The following ABHD12B variants were observed in gnomAD, a reference collection of about 807,000 sequenced individuals.
The protein encoded by ABHD12B is protein ABHD12B.
ABHD12B carries 42 observed loss-of-function variants against 50.4 expected under a neutral mutation model. The observed-to-expected ratio is 0.83, with a 90% CI of 0.65 to 1.08. The LOEUF is 1.08. ABHD12B is among the 50% of genes least tolerant of loss of function. The probability of loss-of-function intolerance (pLI) is 0.00; values close to 1 mark genes in which losing one functional copy is unlikely to be tolerated. For synonymous variants in ABHD12B, 167 were observed against 160.3 expected (o/e 1.04, Z -0.32); for missense variants, 479 against 447.7 (o/e 1.07, Z -0.63).
chr14:50,902,859 T>G (rs561603891), intron 10 of ABHD12B, among the ~76,000 whole-genome samples: 31 of 152,230 alleles, frequency 2.0e-4, no homozygotes, highest in African/African-American at 7.2e-4. Flanking sequence ...ATTAGCAAAC[T>G]AGGGGGTTGA....
At chr14:50,889,311 C>T (rs1485878285) in intron 9 of ABHD12B, among the ~76,000 whole-genome samples, 1 of 152,160 alleles carries the variant, frequency 6.6e-6, no homozygotes. Flanking sequence ...AATACTTTTA[C>T]ACAGTATGCC....
intron 1 of ABHD12B, among the ~76,000 whole-genome samples, chr14:50,875,429 G>A (rs1232744065): frequency 6.6e-6 from 1 of 152,250 alleles, no homozygotes; most frequent in African/African-American, 2.4e-5. Flanking sequence ...CTCTGAGCAT[G>A]AGTGATTCAC....
rs2049896895 is a variant in ABHD12B, at chr14:50,878,753, C to A, written c.241C>A (p.Pro81Thr). The A allele has an allele frequency of 4.3e-6, 7 of 1,612,848 alleles. No homozygotes were observed. Among genetic ancestry groups the A allele is most frequent in the Middle Eastern group, 1.6e-4 (1 of 6,084 alleles). ...TGATTTTTACTTTCCAGTCAAAGCC[C>A]CATTTCTTGTGGATTTAAAGAAACC... Reference protein sequence around the residue: ...MLIYFNFFKAPFLVDLKKPEL... With the variant: ...MLIYFNFFKATFLVDLKKPEL... The change falls in exon 3 of 13, where the codon CCA becomes ACA. Residue 81 changes from proline to threonine, a missense_variant. Coordinates refer to ENST00000337334, the MANE Select transcript of ABHD12B (RefSeq NM_001206673.2).
Position 50,901,593 on chromosome 14 carries a change from T to C in ABHD12B, c.781-236T>C, listed in dbSNP as rs558843982. Among the ~76,000 whole-genome samples the C allele has an allele frequency of 5.9e-4, 90 of 152,376 alleles. 1 individual carries two copies. Among genetic ancestry groups the C allele is most frequent in the African/African-American group, 2.0e-3 (84 of 41,594 alleles). ...TTTTTAGGAAGTGAAAACAAAATGT[T>C]AACAATGATGGTCTATGATGGCAGA... On this transcript the variant is annotated intron_variant, in intron 9 of 12. Coordinates refer to ENST00000337334, the MANE Select transcript of ABHD12B (RefSeq NM_001206673.2).
rs1370504694 is a variant in ABHD12B at position 50,881,633 on chromosome 14, C to T, written c.486+7C>T. 2.5e-6 allele frequency: 4 copies of T among 1,603,162 alleles called. No homozygotes were observed. In the South Asian group the frequency reaches 4.4e-5, roughly 18 times the overall value. The stretch of plus-strand genomic sequence containing the variant: ...CAGACTGAAGCTGGTAAAGGTATGT[C>T]TGAAGAGGCCTCAAAGCACCCATTT... On this transcript the variant is annotated splice_region_variant and intron_variant, in intron 5 of 12. Coordinates refer to ENST00000337334, the MANE Select transcript of ABHD12B (RefSeq NM_001206673.2).
chr14:50,887,361 T>C (rs2050056951), intron 8 of ABHD12B, among the ~76,000 whole-genome samples: 2 of 152,180 alleles, frequency 1.3e-5, no homozygotes, highest in South Asian at 4.1e-4. Context: ...CAAAGTGATC[T>C]AACTGTTAGT....
At chr14:50,898,730 C>A (rs771119450) in intron 9 of ABHD12B, among the ~76,000 whole-genome samples, 1 of 151,940 alleles carries the variant, frequency 6.6e-6, no homozygotes, top group Non-Finnish European at 1.5e-5. Context: ...GGTGAGAGTA[C>A]CAGAAGACAA....
In ABHD12B at chr14:50,872,218, C is replaced by A; in HGVS notation, c.44C>A (p.Pro15His). 7.2e-7 allele frequency: 1 copy of A among 1,387,678 alleles called. No homozygotes were observed. Among genetic ancestry groups the A allele is most frequent in the South Asian group, 1.6e-5 (1 of 64,234 alleles). 86.0% of individuals were successfully genotyped at this position (1,387,678 alleles called of 1,614,324 possible). A position where few individuals can be genotyped will look rare whatever the true frequency, so the allele number is the denominator to read the frequency against. The change falls in exon 1 of 13, where the codon CCC (proline) becomes CAC (histidine). Residue 15 changes from proline (P) to histidine (H), a missense_variant. Transcript: ENST00000337334. The part of the protein sequence containing the change: ...DCQAAASPEP[P>H]GPPARSCVAA... ...CAGGCGGCCGCATCGCCCGAGCCGC[C>A]CGGGCCCCCAGCCCGTAGCTGCGTG...
chr14:50,875,428 T>C (rs1426743398), intron 1 of ABHD12B, among the ~76,000 whole-genome samples: 3 of 152,240 alleles, frequency 2.0e-5, no homozygotes, highest in African/African-American at 7.2e-5. Context: ...CCTCTGAGCA[T>C]GAGTGATTCA....
rs1200626129 is a variant in ABHD12B, at chr14:50,878,089, G to T, written c.232+10G>T. The T allele has an allele frequency of 6.6e-7, 1 of 1,509,790 alleles. No homozygotes were observed. Among genetic ancestry groups the T allele is most frequent in the Non-Finnish European group, 8.8e-7 (1 of 1,136,330 alleles). The allele number at this position is 1,509,790 out of a possible 1,614,324, so 93.5% of individuals were successfully genotyped here. On this transcript the variant is annotated intron_variant, in intron 2 of 12. Coordinates refer to ENST00000337334, the MANE Select transcript of ABHD12B (RefSeq NM_001206673.2). ...ATTTATTTTAATTTTTGTAAGTATGGACCTTCCATAAATTTTCCTATATAA... is the reference window on the plus strand; with the variant it reads ...ATTTATTTTAATTTTTGTAAGTATGTACCTTCCATAAATTTTCCTATATAA...
At chr14:50,885,007 A>G (rs1424206643) in intron 5 of ABHD12B, among the ~76,000 whole-genome samples, 1 of 152,186 alleles carries the variant, frequency 6.6e-6, no homozygotes, top group African/African-American at 2.4e-5. Flanking sequence ...ATTTTTAAAA[A>G]GAGACATTTA....
intron 9 of ABHD12B, among the ~76,000 whole-genome samples, chr14:50,898,740 A>G (rs549924348): frequency 6.6e-6 from 1 of 152,224 alleles, no homozygotes; most frequent in Non-Finnish European, 1.5e-5. Flanking sequence ...CCAGAAGACA[A>G]AAGAGAAAAC....
At chr14:50,897,377 G>A (rs942547934) in intron 9 of ABHD12B, among the ~76,000 whole-genome samples, 1 of 152,046 alleles carries the variant, frequency 6.6e-6, no homozygotes, top group Non-Finnish European at 1.5e-5. Context: ...CCCAGCCTAT[G>A]ATTTAGTTTT....
intron 3 of ABHD12B, among the ~76,000 whole-genome samples, chr14:50,879,099 C>T (rs948841635): frequency 1.3e-5 from 2 of 152,186 alleles, no homozygotes; most frequent in East Asian, 3.8e-4. Flanking sequence ...TCCATACCAC[C>T]CTTGCCTTCA....
At chr14:50,875,953 G>A (rs1480870748) in intron 1 of ABHD12B, among the ~76,000 whole-genome samples, 1 of 152,140 alleles carries the variant, frequency 6.6e-6, no homozygotes, top group Admixed American at 6.5e-5. Context: ...AGACTAACAG[G>A]CAGGGTGGAG....
In ABHD12B at chr14:50,881,618, C is replaced by T. The variant is rs746573105; in HGVS notation, c.478C>T (p.Leu160=). ...CAGGGCAGCTTCGCACAGACTGAAG[C>T]TGGTAAAGGTATGTCTGAAGAGGCC... ...EHRAASHRLK[L]VKVLSDGGFH... Residue 160 remains leucine, a synonymous_variant, in exon 5 of 13, where the codon CTG becomes TTG. Coordinates refer to ENST00000337334, the MANE Select transcript of ABHD12B (RefSeq NM_001206673.2). The T allele has an allele frequency of 9.4e-6, 15 of 1,601,972 alleles. No individual in the cohort carries two copies. Among genetic ancestry groups the T allele is most frequent in the Admixed American group, 3.4e-5 (2 of 58,668 alleles).
chr14:50,878,612 T>A, intron 2 of ABHD12B, 133 bp from the exon 3 acceptor site: 2 of 698,848 alleles, frequency 2.9e-6, no homozygotes, highest in South Asian at 4.0e-5. Context: ...AATAAAATAC[T>A]CTGCTAGGAG....
At chr14:50,897,112 A>G (rs8005597) in intron 9 of ABHD12B, among the ~76,000 whole-genome samples, 27,039 of 140,966 alleles carry the variant, frequency 0.19, 4,150 homozygotes, top group African/African-American at 0.44. Flanking sequence ...CACTCTTGTC[A>G]CCCAGACTGG....
chr14:50,904,122 A>G lies in ABHD12B; in HGVS notation c.991A>G (p.Met331Val). 6.2e-7 allele frequency: 1 copy of G among 1,614,118 alleles called. No homozygotes were observed. The highest frequency in any genetic ancestry group is 1.3e-5 in the African/African-American group (1 of 75,044). Reference protein sequence around the residue: ...NAYRNKERVKMVIFPPGFQHN... With the variant: ...NAYRNKERVKVVIFPPGFQHN... Reference sequence around the variant, plus strand: ...ATACAGGAACAAAGAGAGGGTCAAGATGGTTATCTTTCCTCCTGGCTTCCA... The same window carrying G: ...ATACAGGAACAAAGAGAGGGTCAAGGTGGTTATCTTTCCTCCTGGCTTCCA... Residue 331 changes from methionine to valine, a missense_variant, in exon 12 of 13, where the codon ATG becomes GTG. Coordinates refer to ENST00000337334, the MANE Select transcript of ABHD12B (RefSeq NM_001206673.2).
Sources: allele counts gnomAD v4.1 joint callset (sites outside exome capture counted in the v4.1 genomes callset), GRCh38; gene constraint gnomAD v4.1.1; transcripts MANE v1.5; gene names NCBI Gene and HGNC (gene_info 2026-07-23, HGNC 2026-07-21).